TBC1D2B: variants seen among roughly 807,000 people sequenced by gnomAD.
TBC1D2B encodes TBC1 domain family, member 2B.
A neutral mutation model predicts 100.8 loss-of-function variants in TBC1D2B; 64 were observed. That is an observed-to-expected ratio of 0.64 (90% CI 0.52 to 0.78). The LOEUF (loss-of-function observed/expected upper bound fraction) is 0.78, where lower values mean the gene tolerates loss of function less well. Ranked by LOEUF, TBC1D2B falls within the 30% of genes least tolerant of loss-of-function variation. The probability of loss-of-function intolerance (pLI) is 0.00; values close to 1 mark genes in which losing one functional copy is unlikely to be tolerated. For synonymous variants in TBC1D2B, 480 were observed against 479.7 expected (o/e 1.00, Z -0.01); for missense variants, 1,052 against 1,218.4 (o/e 0.86, Z 2.03).
At chr15:78,068,418 CACAG>C (rs2073695964) in intron 1 of TBC1D2B, among the ~76,000 whole-genome samples, 1 of 150,812 alleles carries the variant, frequency 6.6e-6, no homozygotes, top group South Asian at 2.1e-4. Context: ...CACACACACA[CACAG>C]AGGATATGAG....
At chr15:78,007,725 CAG>C (rs1209213690) in intron 10 of TBC1D2B, among the ~76,000 whole-genome samples, 1 of 152,152 alleles carries the variant, frequency 6.6e-6, no homozygotes, top group Non-Finnish European at 1.5e-5. Flanking sequence ...TGAGGCAGCC[CAG>C]AGTTATAGCA....
chr15:78,036,014 T>C (rs1014097649), intron 3 of TBC1D2B, among the ~76,000 whole-genome samples: 1 of 152,162 alleles, frequency 6.6e-6, no homozygotes, highest in South Asian at 2.1e-4. Flanking sequence ...CCTCATGACA[T>C]GGTAAATACA....
At chr15:78,050,790 A>T (rs752578781) in intron 2 of TBC1D2B, among the ~76,000 whole-genome samples, 3 of 152,230 alleles carry the variant, frequency 2.0e-5, no homozygotes, top group Admixed American at 1.3e-4. Flanking sequence ...TCTCTTACTC[A>T]ACACAGATTC....
chr15:78,065,519 G>A lies in TBC1D2B; in HGVS notation c.361-11332C>T, dbSNP rs979509920. On this transcript the variant is annotated intron_variant, in intron 1 of 12. Coordinates refer to ENST00000300584, the MANE Select transcript of TBC1D2B (RefSeq NM_144572.2). ...CTGTCAAAATACTTTCTGTTTCAGA[G>A]AGAAAGGGAGCACGAGGCCTCCAAG... Among the ~76,000 whole-genome samples the A allele has an allele frequency of 5.3e-5, 8 of 152,330 alleles. 1 individual carries two copies. Among genetic ancestry groups the A allele is most frequent in the African/African-American group, 1.9e-4 (8 of 41,568 alleles).
At chr15:78,077,247 G>A (rs1237977704) in intron 1 of TBC1D2B, 46 bp downstream of exon 1, 3 of 1,403,352 alleles carry the variant, frequency 2.1e-6, no homozygotes, top group South Asian at 1.6e-5. Context: ...GGAGGCAGGG[G>A]ACGCCGGCGG....
chr15:78,017,801 A>C, intron 7 of TBC1D2B, 46 bp downstream of exon 7: 81 of 1,304,390 alleles, frequency 6.2e-5, no homozygotes, highest in Middle Eastern at 1.8e-4. Context: ...ATGGTTTCCT[A>C]ACCTTACCTC....
chr15:78,013,096 T>G lies in TBC1D2B; in HGVS notation c.1997A>C (p.Glu666Ala). The part of the protein sequence containing the change: ...KNLIRAGIPH[E>A]HRSKVWKWCV... ...CCACTTCCACACCTTGGAACGGTGC[T>G]CGTGGGGAATGCCCGCACGGATGAG... Residue 666 changes from glutamate (E) to alanine (A), a missense_variant, in exon 9 of 13, where the codon GAG (glutamate) becomes GCG (alanine). Transcript: ENST00000300584. 6.2e-7 allele frequency: 1 copy of G among 1,614,000 alleles called. No homozygotes were observed. The highest frequency in any genetic ancestry group is 8.5e-7 in the Non-Finnish European group (1 of 1,179,884).
chr15:78,031,574 A>AAAAAAAAAAAAAG (rs1452770906), intron 3 of TBC1D2B, among the ~76,000 whole-genome samples: 16 of 147,590 alleles, frequency 1.1e-4, no homozygotes, highest in African/African-American at 3.6e-4. Context: ...AAAAAAAAAA[A>AAAAAAAAAAAAAG]AGAGAGAGAG....
At chr15:78,057,545 C>T (rs2073451353) in intron 1 of TBC1D2B, among the ~76,000 whole-genome samples, 1 of 152,056 alleles carries the variant, frequency 6.6e-6, no homozygotes, top group African/African-American at 2.4e-5. Flanking sequence ...ACTTGGGAGG[C>T]TGAGGCAGGA....
At chr15:78,001,363 A>T (rs887369766) in intron 12 of TBC1D2B, among the ~76,000 whole-genome samples, 2 of 152,198 alleles carry the variant, frequency 1.3e-5, no homozygotes, top group Non-Finnish European at 2.9e-5. Context: ...TTTCTAGACA[A>T]ATGAAACTAT....
At chr15:78,053,091 C>T (rs769424287) in intron 2 of TBC1D2B, among the ~76,000 whole-genome samples, 43 of 152,162 alleles carry the variant, frequency 2.8e-4, no homozygotes, top group Admixed American at 5.2e-4. Context: ...AATTTGGAGA[C>T]GAAAAATTCA....
chr15:78,020,628 T>C (rs2072493535), intron 6 of TBC1D2B, among the ~76,000 whole-genome samples: 1 of 152,200 alleles, frequency 6.6e-6, no homozygotes, highest in African/African-American at 2.4e-5. Context: ...GATCTGGGTT[T>C]GAATCCAACC....
At chr15:78,027,659 C>A (rs373976603) in intron 4 of TBC1D2B, among the ~76,000 whole-genome samples, 3 of 152,220 alleles carry the variant, frequency 2.0e-5, no homozygotes, top group African/African-American at 7.2e-5. Context: ...GGAGTTTCTC[C>A]TCCCGTCCCA....
At chr15:78,060,083 A>G (rs1478517059) in intron 1 of TBC1D2B, among the ~76,000 whole-genome samples, 1 of 152,194 alleles carries the variant, frequency 6.6e-6, no homozygotes, top group Admixed American at 6.5e-5. Flanking sequence ...ATTCCTGGGA[A>G]TGTAGCTAAA....
chr15:78,018,125 T>C (rs2072423463), intron 6 of TBC1D2B, among the ~76,000 whole-genome samples, 168 bp from the exon 7 acceptor site: 1 of 152,186 alleles, frequency 6.6e-6, no homozygotes, highest in Non-Finnish European at 1.5e-5. Context: ...ATTAATCTTT[T>C]TGGCCATTTA....
chr15:78,013,221 G>A lies in TBC1D2B; in HGVS notation c.1872C>T (p.Tyr624=), dbSNP rs2072281159. Residue 624 remains tyrosine, a synonymous_variant, in exon 9 of 13, where the codon TAC becomes TAT. Transcript: ENST00000300584. ...TGGAGACTTCCTGGTTTTCTGTGAG[G>A]TAGAGAGTCTTCAGATCCAACGCGC... ...KVRALDLKTL[Y]LTENQEVSTG... is the part of the protein sequence containing the mutation. 2 of 1,613,848 alleles carry A rather than the reference G, an allele frequency of 1.2e-6. No individual in the cohort carries two copies. The highest frequency in any genetic ancestry group is 2.7e-5 in the African/African-American group (2 of 74,912).
At chr15:78,076,713 T>C (rs888639351) in intron 1 of TBC1D2B, among the ~76,000 whole-genome samples, 2 of 152,184 alleles carry the variant, frequency 1.3e-5, no homozygotes, top group Non-Finnish European at 2.9e-5. Context: ...ATCGCACCCC[T>C]GCACTCCAGC....
chr15:78,041,569 G>C (rs889773844), intron 3 of TBC1D2B, among the ~76,000 whole-genome samples: 1 of 152,166 alleles, frequency 6.6e-6, no homozygotes, highest in Admixed American at 6.5e-5. Context: ...CATTTTGAGT[G>C]CATTAAAAAA....
At chr15:78,037,989 T>C (rs1471657760) in intron 3 of TBC1D2B, among the ~76,000 whole-genome samples, 1 of 152,142 alleles carries the variant, frequency 6.6e-6, no homozygotes, top group African/African-American at 2.4e-5. Flanking sequence ...GGAACTGTCG[T>C]CCTGCTAGGG....
Sources: allele counts gnomAD v4.1 joint callset (sites outside exome capture counted in the v4.1 genomes callset), GRCh38; gene constraint gnomAD v4.1.1; transcripts MANE v1.5; gene names NCBI Gene and HGNC (gene_info 2026-07-23, HGNC 2026-07-21).